The following EPS8 variants were observed in gnomAD, a reference collection of about 807,000 sequenced individuals.
The protein encoded by EPS8 is EGFR pathway substrate 8, signaling adaptor.
In EPS8, 42 loss-of-function variants were observed where a neutral mutation model predicts 103.8. That is an observed-to-expected ratio of 0.40 (90% CI 0.32 to 0.52). EPS8 has a LOEUF of 0.52. Ranked by LOEUF, EPS8 falls within the 20% of genes least tolerant of loss-of-function variation. The pLI is 0.40. For missense variants in EPS8, 969 were observed against 1,005.1 expected, an observed-to-expected ratio of 0.96 and a Z score of 0.49; for synonymous variants, 344 against 344.6, an observed-to-expected ratio of 1.00 and a Z score of 0.02.
At chr12:15,634,413 A>T (rs1945101252) in intron 17 of EPS8, among the ~76,000 whole-genome samples, 1 of 152,200 alleles carries the variant, frequency 6.6e-6, no homozygotes, top group Non-Finnish European at 1.5e-5. Flanking sequence ...TTAAGTTGGA[A>T]TGAGTCACTT....
chr12:15,712,887 G>A (rs1946485462), intron 1 of EPS8: 23 of 985,026 alleles, frequency 2.3e-5, no homozygotes, highest in South Asian at 4.7e-5. Flanking sequence ...CTAAGCAATC[G>A]TCCAGGCAAT....
rs558885255 is a variant in EPS8, at chr12:15,622,785, C to CA, written c.2355+372dup. Among the ~76,000 whole-genome samples the CA allele has an allele frequency of 3.2e-3, 435 of 137,456 alleles. 2 individuals carry two copies. The highest frequency in any genetic ancestry group is 6.3e-3 in the South Asian group (28 of 4,436). The allele number at this position is 137,456 out of a possible 152,430, so 90.2% of individuals were successfully genotyped here. ...ATAACCTATACGTTATTAGAATCTC[C>CA]AAAAAAAAAAAAATATTAAGAATAG... On this transcript the variant is annotated intron_variant, in intron 20 of 20. Transcript: ENST00000281172.
chr12:15,668,106 TA>T (rs1945748793), intron 6 of EPS8, among the ~76,000 whole-genome samples: 1 of 152,324 alleles, frequency 6.6e-6, no homozygotes, highest in South Asian at 2.1e-4. Context: ...CTTTAATATT[TA>T]TTGACTGAAT....
At chr12:15,662,535 G>T (rs537438411) in intron 8 of EPS8, 1 of 986,254 alleles carries the variant, frequency 1.0e-6, no homozygotes, top group Non-Finnish European at 1.2e-6. Flanking sequence ...CTACAATAAA[G>T]CTTTCGGAGT....
chr12:15,780,429 T>C lies in EPS8; in HGVS notation c.-22+8732A>G, dbSNP rs1470078077. Reference sequence around the variant, plus strand: ...CATCACCTTCCCCAGTAAAGACTTTTCTGACTCCCTCGGCCACAGTGAGGC... The same window carrying C: ...CATCACCTTCCCCAGTAAAGACTTTCCTGACTCCCTCGGCCACAGTGAGGC... On this transcript the variant is annotated intron_variant, in intron 1 of 20. Transcript: ENST00000281172. The surrounding 1 kb of genome is among the most constrained non-coding windows in gnomAD (Gnocchi z 4.1). 1 of 151,330 alleles carries C rather than the reference T, an allele frequency of 6.6e-6. No individual in the cohort carries two copies. The allele number at this position is 151,330 out of a possible 1,614,324, so 9.4% of individuals were successfully genotyped here.
chr12:15,725,398 A>G lies in EPS8; in HGVS notation c.-21-42426T>C, dbSNP rs1480142875. 6.6e-6 allele frequency among the ~76,000 whole-genome samples: 1 copy of G among 151,886 alleles called. No individual in the cohort carries two copies. The highest frequency in any genetic ancestry group is 1.9e-4 in the East Asian group (1 of 5,184). Reference sequence around the variant, plus strand: ...GAGGCAGGAGGATCACTTGAGCAGAAGAATTGAACAGGAATTCAAATCCAG... The same window carrying G: ...GAGGCAGGAGGATCACTTGAGCAGAGGAATTGAACAGGAATTCAAATCCAG... On this transcript the variant is annotated intron_variant, in intron 1 of 20. Coordinates refer to ENST00000281172, the MANE Select transcript of EPS8 (RefSeq NM_004447.6). This position sits in a 1 kb window ranked among gnomAD's most constrained non-coding sequence, Gnocchi z 4.5.
Position 15,762,950 on chromosome 12 carries a change from A to T in EPS8, c.-22+26211T>A, listed in dbSNP as rs1947056736. On this transcript the variant is annotated intron_variant, in intron 1 of 20. Transcript: ENST00000281172. The surrounding 1 kb of genome is among the most constrained non-coding windows in gnomAD (Gnocchi z 4.8). ...AAAATAGTATAATTGGATTGTTTGT[A>T]ACACAAAGGGTAAATGCTTGAGGAA... 1.3e-5 allele frequency among the ~76,000 whole-genome samples: 2 copies of T among 152,210 alleles called. No individual in the cohort carries two copies. Among genetic ancestry groups the T allele is most frequent in the Non-Finnish European group, 2.9e-5 (2 of 68,036 alleles).
chr12:15,655,573 C>T (rs944676635), intron 12 of EPS8, among the ~76,000 whole-genome samples: 1 of 152,138 alleles, frequency 6.6e-6, no homozygotes, highest in African/African-American at 2.4e-5. Context: ...GCCTATCTAG[C>T]ACAGTAATTT....
In EPS8 at chr12:15,697,973, T is replaced by G. The variant is rs1022410730; in HGVS notation, c.-21-15001A>C. Among the ~76,000 whole-genome samples, 6 of 152,156 alleles carry G rather than the reference T, an allele frequency of 3.9e-5. No individual in the cohort carries two copies. The highest frequency in any genetic ancestry group is 7.2e-5 in the African/African-American group (3 of 41,420). ...TTTGTTCCATGAAGTTCATGTCTAT[T>G]ACAGAAATTTCTCTATGGGAACATA... On this transcript the variant is annotated intron_variant, in intron 1 of 20. Coordinates refer to ENST00000281172, the MANE Select transcript of EPS8 (RefSeq NM_004447.6). The surrounding 1 kb of genome is among the most constrained non-coding windows in gnomAD (Gnocchi z 5.6).
intron 1 of EPS8, among the ~76,000 whole-genome samples, chr12:15,691,500 A>G (rs1946171419): frequency 6.6e-6 from 1 of 152,208 alleles, no homozygotes; most frequent in Non-Finnish European, 1.5e-5. Flanking sequence ...GACAGTATGC[A>G]AGGCCTGCGC....
chr12:15,630,405 A>G (rs1050229476), intron 18 of EPS8, among the ~76,000 whole-genome samples: 7 of 152,200 alleles, frequency 4.6e-5, no homozygotes, highest in Admixed American at 1.3e-4. Context: ...AAGGTTAAAC[A>G]AAATTTATCT....
At chr12:15,666,672 T>C in intron 6 of EPS8, 150 bp from the exon 7 acceptor site, 2 of 599,952 alleles carry the variant, frequency 3.3e-6, no homozygotes, top group South Asian at 4.3e-5. Flanking sequence ...AAAACATGAC[T>C]CTTGTGGTTT....
rs147630488 is a variant in EPS8, at chr12:15,631,625, G to T, written c.1861C>A (p.Pro621Thr). 1 of 1,613,874 alleles carries T rather than the reference G, an allele frequency of 6.2e-7. No individual in the cohort carries two copies. The highest frequency in any genetic ancestry group is 2.2e-5 in the East Asian group (1 of 44,868). ...MEYGPRPADT[P>T]PAPSPPPTPA... ...GTTGGAGGAGGTGATGGAGCAGGGG[G>T]AGTATCAGCTGGTCTTGGGCCATAC... Residue 621 changes from proline to threonine, a missense_variant, in exon 18 of 21, where the codon CCC (proline) becomes ACC (threonine). By Grantham distance (38) the Pro-to-Thr change is conservative. Coordinates refer to ENST00000281172, the MANE Select transcript of EPS8 (RefSeq NM_004447.6).
rs552064775 is a variant in EPS8 at position 15,754,235 on chromosome 12, A to G, written c.-22+34926T>C. Among the ~76,000 whole-genome samples the G allele has an allele frequency of 3.0e-4, 44 of 148,188 alleles. 2 individuals carry two copies. In the South Asian group the frequency reaches 9.1e-3, roughly 31 times the overall value. On this transcript the variant is annotated intron_variant, in intron 1 of 20. Transcript: ENST00000281172. ...AATTAAGACACTTGTTCCATTTGGA[A>G]AAAAAAAAAAAAGAGTTTAAATGAC...
chr12:15,686,040 C>G (rs1032586682), intron 1 of EPS8, among the ~76,000 whole-genome samples: 2 of 152,040 alleles, frequency 1.3e-5, no homozygotes, highest in African/African-American at 4.8e-5. Flanking sequence ...ACAGTTGGCT[C>G]CTGAACAAGA....
At chr12:15,672,868 G>C (rs1047936853) in intron 3 of EPS8, among the ~76,000 whole-genome samples, 1 of 152,150 alleles carries the variant, frequency 6.6e-6, no homozygotes, top group African/African-American at 2.4e-5. Flanking sequence ...CTGACCTTAG[G>C]ACAGAAAAGA....
At chr12:15,755,573 A>G (rs1386486961) in intron 1 of EPS8, among the ~76,000 whole-genome samples, 1 of 152,202 alleles carries the variant, frequency 6.6e-6, no homozygotes, top group Non-Finnish European at 1.5e-5. Flanking sequence ...AGCAAATGTA[A>G]AGCACTAAAT....
chr12:15,682,846 AAATC>A, intron 2 of EPS8, 43 bp downstream of exon 2: 1 of 1,026,296 alleles, frequency 9.7e-7, no homozygotes. Context: ...TAAAATCACC[AAATC>A]AAATTCCCCC....
Position 15,693,595 on chromosome 12 carries a change from A to C in EPS8, c.-21-10623T>G, listed in dbSNP as rs1042775692. On this transcript the variant is annotated intron_variant, in intron 1 of 20. Transcript: ENST00000281172. This position sits in a 1 kb window ranked among gnomAD's most constrained non-coding sequence, Gnocchi z 5.6. Reference sequence around the variant, plus strand: ...TTCTAGGTTAATCACAATTATCCACAGGCTTTATAGAGTCCCTTTGTCTCA... The same window carrying C: ...TTCTAGGTTAATCACAATTATCCACCGGCTTTATAGAGTCCCTTTGTCTCA... Among the ~76,000 whole-genome samples the C allele has an allele frequency of 1.8e-4, 28 of 152,244 alleles. No individual in the cohort carries two copies. The highest frequency in any genetic ancestry group is 5.9e-5 in the Non-Finnish European group (4 of 68,044).
Sources: allele counts gnomAD v4.1 joint callset (sites outside exome capture counted in the v4.1 genomes callset), GRCh38; gene constraint gnomAD v4.1.1; non-coding constraint Gnocchi (gnomAD v3.1); transcripts MANE v1.5; gene names NCBI Gene and HGNC (gene_info 2026-07-23, HGNC 2026-07-21).